HIP1: variants seen among roughly 807,000 people sequenced by gnomAD.
The protein encoded by HIP1 is huntingtin-interacting protein 1.
Under a neutral mutation model 147.6 loss-of-function variants are expected in HIP1, and 65 were observed. The observed-to-expected ratio is 0.44, with a 90% CI of 0.36 to 0.54. The LOEUF is 0.54. HIP1 is among the 20% of genes least tolerant of loss of function. The pLI is 0.00. For synonymous variants in HIP1, 479 were observed against 504.0 expected (o/e 0.95, Z 0.67); for missense variants, 1,061 against 1,299.6 (o/e 0.82, Z 2.82).
At chr7:75,639,093 C>CA in intron 1 of HIP1, 1 of 984,726 alleles carries the variant, frequency 1.0e-6, no homozygotes, top group Non-Finnish European at 1.2e-6. Flanking sequence ...GGCACCCCCC[C>CA]ACCCCTGGAG....
intron 2 of HIP1, among the ~76,000 whole-genome samples, chr7:75,594,118 T>C (rs1373900406): frequency 8.6e-5 from 13 of 152,002 alleles, no homozygotes; most frequent in African/African-American, 3.1e-4. Flanking sequence ...CCGTCTCTAC[T>C]AAAAATACAA....
chr7:75,634,941 G>GAAAAAAAAAAAA (rs58461422), intron 1 of HIP1, among the ~76,000 whole-genome samples: 4 of 62,582 alleles, frequency 6.4e-5, no homozygotes, highest in Admixed American at 2.7e-4. Context: ...CACTATCTCT[G>GAAAAAAAAAAAA]AAAAAAAAAA....
In HIP1 at chr7:75,592,238, C is replaced by T. The variant is rs1796522775; in HGVS notation, c.328-126G>A. 13 of 1,392,244 alleles carry T rather than the reference C, an allele frequency of 9.3e-6. No homozygotes were observed. In the South Asian group the frequency reaches 9.7e-5, roughly 10 times the overall value. The allele number at this position is 1,392,244 out of a possible 1,614,324, so 86.2% of individuals were successfully genotyped here. A position where few individuals can be genotyped will look rare whatever the true frequency, so the allele number is the denominator to read the frequency against. On this transcript the variant is annotated intron_variant, in intron 3 of 30. Transcript: ENST00000336926. ...CAGGCTGATGGGAGGGAGACTCACC[C>T]AACTCTAATGGGGAACCCAAAGGCC...
intron 5 of HIP1, among the ~76,000 whole-genome samples, chr7:75,585,126 A>AGGTGTGT (rs1369593286): frequency 5.3e-5 from 8 of 150,906 alleles, no homozygotes; most frequent in African/African-American, 1.9e-4. Flanking sequence ...TGGAGATTAG[A>AGGTGTGT]GGTGTGAGCC....
intron 15 of HIP1, 126 bp downstream of exon 15, chr7:75,558,041 G>A (rs1584795052): frequency 7.8e-6 from 6 of 772,650 alleles, no homozygotes; most frequent in Admixed American, 2.2e-5. Flanking sequence ...TGTGGTTCCC[G>A]AGATGACGGC....
intron 1 of HIP1, among the ~76,000 whole-genome samples, chr7:75,726,662 C>T (rs184679777): frequency 2.3e-3 from 348 of 151,492 alleles, no homozygotes; most frequent in Non-Finnish European, 3.8e-3. Flanking sequence ...TAATTTCAGC[C>T]ATCCTGATGG....
chr7:75,673,914 A>T (rs1196367890), intron 1 of HIP1, among the ~76,000 whole-genome samples: 2 of 151,810 alleles, frequency 1.3e-5, no homozygotes, highest in African/African-American at 2.4e-5. Context: ...TTAGCCCAGG[A>T]GGTTGAGGCT....
chr7:75,540,720 T>C (rs1794274102), intron 29 of HIP1, among the ~76,000 whole-genome samples: 1 of 151,300 alleles, frequency 6.6e-6, no homozygotes, highest in South Asian at 2.1e-4. Context: ...ACTATGTCAA[T>C]TTTTTTTTAA....
At chr7:75,694,974 T>C (rs1479034935) in intron 1 of HIP1, among the ~76,000 whole-genome samples, 3 of 152,146 alleles carry the variant, frequency 2.0e-5, no homozygotes. Context: ...TCTTGAACTC[T>C]ATGAGAAAAC....
At chr7:75,697,926 C>A (rs542981723) in intron 1 of HIP1, among the ~76,000 whole-genome samples, 3 of 152,214 alleles carry the variant, frequency 2.0e-5, no homozygotes, top group Non-Finnish European at 4.4e-5. Context: ...TAATTTCCAT[C>A]CAGAAACAAA....
intron 1 of HIP1, among the ~76,000 whole-genome samples, chr7:75,717,846 C>G (rs1393958547): frequency 1.3e-5 from 2 of 151,984 alleles, no homozygotes; most frequent in African/African-American, 4.8e-5. Flanking sequence ...TGGCAGGCAT[C>G]TGTAGTCCCA....
At chr7:75,554,824 C>G (rs1312244557) in intron 19 of HIP1, among the ~76,000 whole-genome samples, 1 of 152,012 alleles carries the variant, frequency 6.6e-6, no homozygotes, top group Non-Finnish European at 1.5e-5. Context: ...GCCTGTAATT[C>G]CAGCACTTTG....
At chr7:75,720,547 G>T (rs1184549343) in intron 1 of HIP1, among the ~76,000 whole-genome samples, 1 of 152,176 alleles carries the variant, frequency 6.6e-6, no homozygotes, top group African/African-American at 2.4e-5. Flanking sequence ...AGAAGTTAAA[G>T]AAACATATCT....
intron 16 of HIP1, among the ~76,000 whole-genome samples, chr7:75,557,019 A>ATTATTTATTTATTTATTTATTTAT (rs3041772): frequency 6.9e-6 from 1 of 145,352 alleles, no homozygotes; most frequent in African/African-American, 2.5e-5. Context: ...AGGATTTTTT[A>ATTATTTATTTATTTATTTATTTAT]TTATTTATTT....
rs189981854 is a variant in HIP1 at position 75,657,040 on chromosome 7, G to C, written c.121-57793C>G. ...AATGTTCCAGCAATAGTAGAAAGTT[G>C]ACCCGGCAATCCCATTACTGGGTAT... On this transcript the variant is annotated intron_variant, in intron 1 of 30. Transcript: ENST00000336926. 2.0e-5 allele frequency among the ~76,000 whole-genome samples: 3 copies of C among 152,266 alleles called. No homozygotes were observed. The East Asian group carries it at 5.8e-4, about 29-fold the overall frequency.
At chr7:75,670,226 C>T (rs1287594097) in intron 1 of HIP1, among the ~76,000 whole-genome samples, 2 of 152,108 alleles carry the variant, frequency 1.3e-5, no homozygotes, top group Non-Finnish European at 2.9e-5. Flanking sequence ...TCACAGTTCA[C>T]TGCAGCTCCA....
chr7:75,612,128 C>T (rs781847930), intron 1 of HIP1, among the ~76,000 whole-genome samples: 4 of 152,190 alleles, frequency 2.6e-5, no homozygotes, highest in Non-Finnish European at 4.4e-5. Flanking sequence ...GGATGTGCCC[C>T]GGGTGGGGGT....
At position 75,592,110 on chromosome 7, in the gene HIP1, G is replaced by A. The variant is rs782225516; in HGVS notation, c.330C>T (p.Val110=). Residue 110 remains valine (V), a splice_region_variant and synonymous_variant, in exon 4 of 31, where the codon GTC becomes GTT. Coordinates refer to ENST00000336926, the MANE Select transcript of HIP1 (RefSeq NM_005338.7). ...TTCTGTATCTCAGAGAGTCCTTCAG[G>A]ACCTGCAGGGGCAAAAGAACAGCCT... ...HKLLRDGHPN[V]LKDSLRYRNE... is the part of the protein sequence containing the mutation. 10 of 1,613,382 alleles carry A rather than the reference G, an allele frequency of 6.2e-6. No individual in the cohort carries two copies. Among genetic ancestry groups the A allele is most frequent in the Non-Finnish European group, 8.5e-6 (10 of 1,179,328 alleles).
intron 1 of HIP1, among the ~76,000 whole-genome samples, chr7:75,649,082 T>C (rs1235803659): frequency 1.3e-5 from 2 of 152,058 alleles, no homozygotes; most frequent in African/African-American, 4.8e-5. Flanking sequence ...TGGAGTGCAA[T>C]GGCATGATTC....
Sources: gnomAD v4.1 joint callset for allele counts (sites outside exome capture counted in the v4.1 genomes callset) on GRCh38, gnomAD v4.1.1 for gene constraint, MANE v1.5 for transcripts, NCBI Gene and HGNC (gene_info 2026-07-23, HGNC 2026-07-21) for gene names.